Variants in PRSS12 observed in about 807,000 individuals in gnomAD.
PRSS12 encodes serine protease 12.
A neutral mutation model predicts 104.4 loss-of-function variants in PRSS12; 85 were observed. The ratio of observed to expected loss-of-function variants is 0.81; its 90% CI spans 0.68 to 0.98. The LOEUF (loss-of-function observed/expected upper bound fraction) is 0.98, where lower values mean the gene tolerates loss of function less well. Ranked by LOEUF, PRSS12 falls within the 50% of genes least tolerant of loss-of-function variation. The probability of loss-of-function intolerance (pLI) is 0.00; values close to 1 mark genes in which losing one functional copy is unlikely to be tolerated. For missense variants in PRSS12, 1,141 were observed against 1,139.2 expected, an observed-to-expected ratio of 1.00 and a Z score of -0.02; for synonymous variants, 454 against 425.2, an observed-to-expected ratio of 1.07 and a Z score of -0.83.
intron 1 of PRSS12, among the ~76,000 whole-genome samples, chr4:118,345,199 A>G (rs993539473): frequency 6.6e-6 from 1 of 152,210 alleles, no homozygotes; most frequent in Admixed American, 6.5e-5. Flanking sequence ...TACACTTTGT[A>G]TCCCCTCTGC....
intron 6 of PRSS12, 68 bp from the exon 7 acceptor site, chr4:118,313,465 T>A: frequency 6.6e-7 from 1 of 1,508,118 alleles, no homozygotes; most frequent in Non-Finnish European, 9.2e-7. Flanking sequence ...ACAAAACATT[T>A]AACACAAGCA....
At position 118,352,210 on chromosome 4, in the gene PRSS12, G is replaced by T. The variant is rs112651126; in HGVS notation, c.502+9C>A. The T allele has an allele frequency of 3.7e-6, 6 of 1,611,068 alleles. No individual in the cohort carries two copies. In the African/African-American group the frequency reaches 6.7e-5, roughly 18 times the overall value. On this transcript the variant is annotated intron_variant, in intron 1 of 12. Coordinates refer to ENST00000296498, the MANE Select transcript of PRSS12 (RefSeq NM_003619.4). ...CCGGAGTTTCCGCGGCCGCCCCGAG[G>T]CCACTAACCGTGTCTGCAGTCGCAG...
intron 5 of PRSS12, 51 bp downstream of exon 5, chr4:118,318,327 G>A (rs529188640): frequency 1.0e-4 from 160 of 1,568,086 alleles, no homozygotes; most frequent in Non-Finnish European, 1.3e-4. Context: ...GTGGCAGGCC[G>A]ACATGGTACT....
In PRSS12 at chr4:118,281,668, ATAGG is replaced by A. The variant is rs553222667; in HGVS notation, c.*264_*267del. On this transcript the variant is annotated 3_prime_UTR_variant, in exon 13 of 13. Coordinates refer to ENST00000296498, the MANE Select transcript of PRSS12 (RefSeq NM_003619.4). ...AATCAGCATAGAATGATTTTGAGAA[ATAGG>A]TAGGGGATAGATGAGGCTTAGAATA... 5.3e-3 allele frequency: 2,635 copies of A among 496,388 alleles called. 19 individuals are homozygous for A. The highest frequency in any genetic ancestry group is 0.029 in the African/African-American group (1,506 of 52,002). The allele number at this position is 496,388 out of a possible 1,614,324, so 30.7% of individuals were successfully genotyped here.
intron 6 of PRSS12, among the ~76,000 whole-genome samples, chr4:118,314,597 T>C (rs1743854559): frequency 6.6e-6 from 1 of 152,126 alleles, no homozygotes; most frequent in South Asian, 2.1e-4. Context: ...AACCCAAAGT[T>C]TACTTTTTCT....
chr4:118,340,743 G>A (rs1321550574), intron 1 of PRSS12, among the ~76,000 whole-genome samples: 5 of 152,182 alleles, frequency 3.3e-5, no homozygotes, highest in African/African-American at 4.8e-5. Context: ...GTGGTTTTAC[G>A]TGACGTGGGA....
rs980781962 is a variant in PRSS12 at position 118,331,640 on chromosome 4, C to T, written c.971+76G>A. ...TGTTCAAGGAAATGTGCAATTTAAA[C>T]AAACAGCACCTGCCTTTGGGTATGG... On this transcript the variant is annotated intron_variant, in intron 4 of 12. Transcript: ENST00000296498. 3.0e-5 allele frequency: 47 copies of T among 1,583,312 alleles called. No individual in the cohort carries two copies. In the Admixed American group the frequency reaches 8.0e-4, roughly 27 times the overall value.
At chr4:118,301,337 C>T (rs983663380) in intron 8 of PRSS12, among the ~76,000 whole-genome samples, 4 of 152,138 alleles carry the variant, frequency 2.6e-5, no homozygotes, top group Non-Finnish European at 5.9e-5. Context: ...CAACCTGAAC[C>T]TCATCTCACA....
intron 4 of PRSS12, among the ~76,000 whole-genome samples, chr4:118,330,318 AAATGT>A (rs1336085004): frequency 6.6e-6 from 1 of 152,190 alleles, no homozygotes; most frequent in African/African-American, 2.4e-5. Context: ...TTTCCAGACA[AAATGT>A]TTGCTTTGAT....
intron 11 of PRSS12, among the ~76,000 whole-genome samples, chr4:118,289,239 C>A (rs568262507): frequency 6.6e-6 from 1 of 152,260 alleles, no homozygotes; most frequent in South Asian, 2.1e-4. Context: ...AAGTTCTAAT[C>A]CTGTATAATT....
In PRSS12 at chr4:118,335,628, GT is replaced by G; in HGVS notation, c.664del (p.Thr222ProfsTer95). The G allele has an allele frequency of 6.2e-7, 1 of 1,613,894 alleles. No homozygotes were observed. Among genetic ancestry groups the G allele is most frequent in the Non-Finnish European group, 8.5e-7 (1 of 1,179,900 alleles). ...AATAAGGCCCAGTCCAGAAAACGGG[GT>G]TTGTTTTGCTATTCCTTTTCCTCTG... ...QLGGKGIAKQ[T>X]PFSGLGLIPI... On this transcript the variant is annotated frameshift_variant, in exon 3 of 13. Transcript: ENST00000296498. LOFTEE classifies it high-confidence loss of function.
At chr4:118,346,259 C>G (rs1724351733) in intron 1 of PRSS12, among the ~76,000 whole-genome samples, 1 of 152,058 alleles carries the variant, frequency 6.6e-6, no homozygotes, top group African/African-American at 2.4e-5. Context: ...GAACAATAAG[C>G]CTCCTTATTG....
chr4:118,349,774 G>T (rs1724446533), intron 1 of PRSS12, among the ~76,000 whole-genome samples: 1 of 152,126 alleles, frequency 6.6e-6, no homozygotes, highest in Non-Finnish European at 1.5e-5. Flanking sequence ...AGGCAGAGGC[G>T]GGTGGATGGC....
chr4:118,352,150 A>G, intron 1 of PRSS12, 69 bp downstream of exon 1: 1 of 1,590,740 alleles, frequency 6.3e-7, no homozygotes, highest in Non-Finnish European at 8.5e-7. Flanking sequence ...AGAGACCTGT[A>G]CGCCGGCCCC....
chr4:118,342,389 C>T (rs575164429), intron 1 of PRSS12, among the ~76,000 whole-genome samples: 1 of 152,290 alleles, frequency 6.6e-6, no homozygotes, highest in African/African-American at 2.4e-5. Flanking sequence ...AGCAACCAAC[C>T]ATTCTTCGAT....
chr4:118,311,235 A>C lies in PRSS12; in HGVS notation c.1489+1966T>G, dbSNP rs191365643. On this transcript the variant is annotated intron_variant, in intron 7 of 12. Coordinates refer to ENST00000296498, the MANE Select transcript of PRSS12 (RefSeq NM_003619.4). The stretch of plus-strand genomic sequence containing the variant: ...ATCCCAGAAATTTCTGCCAACTCAC[A>C]TAACTGTATTCTTACTAGAATTACT... Among the ~76,000 whole-genome samples the C allele has an allele frequency of 3.1e-4, 47 of 152,268 alleles. 1 individual carries two copies. Among genetic ancestry groups the C allele is most frequent in the Middle Eastern group, 3.4e-3 (1 of 294 alleles).
rs1180023671 is a variant in PRSS12, at chr4:118,352,675, G to T, written c.46C>A (p.Pro16Thr). 1 of 1,613,362 alleles carries T rather than the reference G, an allele frequency of 6.2e-7. No homozygotes were observed. Among genetic ancestry groups the T allele is most frequent in the East Asian group, 2.2e-5 (1 of 44,822 alleles). ...ACAGAATCAAAGCCGACCACTTCGG[G>T]GAGCGCCCCTAACATCAGGGCTAGC... is the stretch of plus-strand genomic sequence containing the variant. ...FVLALMLGAL[P>T]EVVGFDSVLN... The change falls in exon 1 of 13, where the codon CCC (proline) becomes ACC (threonine). Residue 16 changes from proline (P) to threonine (T), a missense_variant. Physicochemically the swap from Pro to Thr is conservative, Grantham distance 38. Coordinates refer to ENST00000296498, the MANE Select transcript of PRSS12 (RefSeq NM_003619.4).
rs1578899409 is a variant in PRSS12, at chr4:118,282,901, A to G, written c.2250T>C (p.Cys750=). 3.7e-6 allele frequency: 6 copies of G among 1,614,028 alleles called. No homozygotes were observed. Among genetic ancestry groups the G allele is most frequent in the Middle Eastern group, 1.6e-4 (1 of 6,084 alleles). ...GTGGCCTCTCTCTCCAGAGTGGTAAACAGGCTGGCAAAACATGGCTGCTGA... is the reference window on the plus strand; with the variant it reads ...GTGGCCTCTCTCTCCAGAGTGGTAAGCAGGCTGGCAAAACATGGCTGCTGA... ...ARFSSHVLPA[C]LPLWRERPQK... Residue 750 remains cysteine, a synonymous_variant, in exon 12 of 13, where the codon TGT becomes TGC. Coordinates refer to ENST00000296498, the MANE Select transcript of PRSS12 (RefSeq NM_003619.4).
intron 1 of PRSS12, among the ~76,000 whole-genome samples, chr4:118,348,025 T>C (rs1311845449): frequency 2.0e-5 from 3 of 151,912 alleles, no homozygotes; most frequent in South Asian, 4.2e-4. Flanking sequence ...AGCCCAGGAG[T>C]TGGAGACCAG....
Sources: gnomAD v4.1 joint callset for allele counts (sites outside exome capture counted in the v4.1 genomes callset) on GRCh38, gnomAD v4.1.1 for gene constraint, MANE v1.5 for transcripts, NCBI Gene and HGNC (gene_info 2026-07-23, HGNC 2026-07-21) for gene names.